The following TSEN2 variants were observed in gnomAD, a reference collection of about 807,000 sequenced individuals.
TSEN2 encodes tRNA splicing endonuclease subunit 2.
In TSEN2, 54 loss-of-function variants were observed where a neutral mutation model predicts 59.2. The ratio of observed to expected loss-of-function variants is 0.91; its 90% CI spans 0.73 to 1.14. The LOEUF is 1.14. Ranked by LOEUF, TSEN2 falls within the 50% of genes most tolerant of loss-of-function variation. The pLI, the probability that TSEN2 is intolerant of heterozygous loss-of-function variation, is 0.00. For missense variants in TSEN2, 636 were observed against 576.2 expected (o/e 1.10, Z -1.06); for synonymous variants, 195 against 198.2 (o/e 0.98, Z 0.14).
chr3:12,515,396 G>A (rs890304102), intron 6 of TSEN2, among the ~76,000 whole-genome samples: 9 of 152,212 alleles, frequency 5.9e-5, no homozygotes, highest in African/African-American at 1.9e-4. Flanking sequence ...GGCCCTCCTC[G>A]TCTGTGTCTG....
intron 8 of TSEN2, among the ~76,000 whole-genome samples, chr3:12,524,786 A>G (rs1349754668): frequency 7.4e-6 from 1 of 135,702 alleles, no homozygotes; most frequent in Non-Finnish European, 1.5e-5. Flanking sequence ...TCTGTTGCTC[A>G]GGCTGGAGTG....
At chr3:12,530,404 G>C in intron 10 of TSEN2, 1 of 985,650 alleles carries the variant, frequency 1.0e-6, no homozygotes, top group Non-Finnish European at 1.2e-6. Context: ...GCATACTCGG[G>C]ATCCAAACCC....
At position 12,489,845 on chromosome 3, in the gene TSEN2, G is replaced by A. The variant is rs1158425701; in HGVS notation, c.45G>A (p.Val15=). ...VFHAPKRKRR[V]YETYESPLPI... ...ATGCCCCAAAGAGGAAAAGAAGAGT[G>A]TATGAGACTTACGAGTCTCCATTGC... is the stretch of plus-strand genomic sequence containing the variant. Residue 15 remains valine, a synonymous_variant, in exon 2 of 12, where the codon GTG becomes GTA. Transcript: ENST00000284995. 2 of 1,614,016 alleles carry A rather than the reference G, an allele frequency of 1.2e-6. No individual in the cohort carries two copies. Among genetic ancestry groups the A allele is most frequent in the Non-Finnish European group, 8.5e-7 (1 of 1,180,024 alleles).
chr3:12,484,405 AGCTCTGCGGCTGCGCACTCGGCTG>A (rs2052372118), upstream of TSEN2: 1 of 152,222 alleles, frequency 6.6e-6, no homozygotes, highest in African/African-American at 2.4e-5. Context: ...TCCCGACGGG[AGCTCTGCGGCTGCGCACTCGGCTG>A]GCTTTGCGGC....
chr3:12,487,477 G>T (rs1330367035), intron 1 of TSEN2, among the ~76,000 whole-genome samples: 1 of 151,968 alleles, frequency 6.6e-6, no homozygotes. Context: ...AGAACTTCTT[G>T]AAGGTGGCCA....
chr3:12,525,110 G>C (rs2056975007), intron 8 of TSEN2, among the ~76,000 whole-genome samples: 1 of 152,036 alleles, frequency 6.6e-6, no homozygotes, highest in South Asian at 2.1e-4. Context: ...TTTTTTCGAA[G>C]TCTTTTAGGA....
chr3:12,504,260 A>G (rs553710148), intron 5 of TSEN2, among the ~76,000 whole-genome samples: 1 of 152,290 alleles, frequency 6.6e-6, no homozygotes, highest in South Asian at 2.1e-4. Context: ...TATCATGTAG[A>G]CTTAGAATGA....
intron 8 of TSEN2, among the ~76,000 whole-genome samples, chr3:12,521,340 A>G (rs896766483): frequency 6.6e-6 from 1 of 152,252 alleles, no homozygotes; most frequent in African/African-American, 2.4e-5. Context: ...GCAAATAACT[A>G]CATGACGTAG....
chr3:12,513,018 T>C (rs935937664), intron 6 of TSEN2, among the ~76,000 whole-genome samples: 7 of 152,190 alleles, frequency 4.6e-5, no homozygotes, highest in Non-Finnish European at 1.0e-4. Flanking sequence ...ATTGTCAACC[T>C]CTACAGACCT....
At chr3:12,495,126 CAAAAA>C (rs1160986136) in intron 3 of TSEN2, among the ~76,000 whole-genome samples, 6 of 68,710 alleles carry the variant, frequency 8.7e-5, no homozygotes, top group East Asian at 5.2e-4. Flanking sequence ...ACTCCGTCTC[CAAAAA>C]AAAAAAAAAA....
chr3:12,537,845 G>C (rs1434858854), downstream of TSEN2, among the ~76,000 whole-genome samples: 2 of 152,168 alleles, frequency 1.3e-5, no homozygotes, highest in Non-Finnish European at 2.9e-5. Context: ...CTTCTGGTGG[G>C]GAGTCCTTTA....
downstream of TSEN2, among the ~76,000 whole-genome samples, chr3:12,534,841 G>T (rs1429370891): frequency 6.6e-6 from 1 of 150,382 alleles, no homozygotes; most frequent in African/African-American, 2.4e-5. Context: ...TGGGTGTGGT[G>T]GTGGCACCTG....
At chr3:12,535,584 T>C (rs540868066), downstream of TSEN2, among the ~76,000 whole-genome samples, 3 of 152,204 alleles carry the variant, frequency 2.0e-5, no homozygotes, top group Non-Finnish European at 4.4e-5. Flanking sequence ...CAGGCTGGAG[T>C]GCAGTGGTGA....
intron 3 of TSEN2, among the ~76,000 whole-genome samples, chr3:12,492,884 G>C (rs2053363090): frequency 6.6e-6 from 1 of 152,060 alleles, no homozygotes; most frequent in Admixed American, 6.5e-5. Context: ...AGGTGAATTT[G>C]GCAATGTCTA....
intron 6 of TSEN2, among the ~76,000 whole-genome samples, chr3:12,508,416 G>A (rs897653482): frequency 1.3e-5 from 2 of 152,146 alleles, no homozygotes; most frequent in African/African-American, 4.8e-5. Context: ...TTTCTGTTTT[G>A]GCAGATTTCT....
At chr3:12,481,453 A>G (rs2052192976), upstream of TSEN2, among the ~76,000 whole-genome samples, 1 of 152,172 alleles carries the variant, frequency 6.6e-6, no homozygotes, top group Non-Finnish European at 1.5e-5. Flanking sequence ...CTCTCATACC[A>G]TAAATAAGTA....
In TSEN2 at chr3:12,503,331, C is replaced by T. The variant is rs775329554; in HGVS notation, c.378C>T (p.Arg126=). The change falls in exon 5 of 12, where the codon CGC becomes CGT. Residue 126 remains arginine (R), a synonymous_variant. Coordinates refer to ENST00000284995, the MANE Select transcript of TSEN2 (RefSeq NM_025265.4). ...RRQGQDESTV[R]RILKDYTKPL... Reference sequence around the variant, plus strand: ...AGGGGCAGGATGAGAGTACAGTGCGCAGAATCCTCAAGGATTACACGAAAC... The same window carrying T: ...AGGGGCAGGATGAGAGTACAGTGCGTAGAATCCTCAAGGATTACACGAAAC... 3.1e-6 allele frequency: 5 copies of T among 1,614,192 alleles called. No homozygotes were observed. The South Asian group carries it at 5.5e-5, about 18-fold the overall frequency.
At chr3:12,483,793 T>C (rs1037536089), upstream of TSEN2, among the ~76,000 whole-genome samples, 10 of 152,156 alleles carry the variant, frequency 6.6e-5, no homozygotes, top group South Asian at 2.1e-4. Flanking sequence ...AATAACCAGG[T>C]CAGGAGAAAC....
intron 8 of TSEN2, among the ~76,000 whole-genome samples, chr3:12,522,412 G>T (rs1429373334): frequency 6.6e-6 from 1 of 151,182 alleles, no homozygotes; most frequent in Admixed American, 6.6e-5. Context: ...CCAGGTCTCT[G>T]ACCCACACAC....
Sources: allele counts gnomAD v4.1 joint callset (sites outside exome capture counted in the v4.1 genomes callset), GRCh38; gene constraint gnomAD v4.1.1; transcripts MANE v1.5; gene names NCBI Gene and HGNC (gene_info 2026-07-23, HGNC 2026-07-21).